Variants in RHOBTB1 observed in about 807,000 individuals in gnomAD.
The protein encoded by RHOBTB1 is Rho related BTB domain containing 1, also known as rho-related BTB domain-containing protein 1.
In RHOBTB1, 40 loss-of-function variants were observed where a neutral mutation model predicts 71.6. That is an observed-to-expected ratio of 0.56 (90% CI 0.43 to 0.73). The LOEUF (loss-of-function observed/expected upper bound fraction) is 0.73. Ranked by LOEUF, RHOBTB1 falls within the 30% of genes least tolerant of loss-of-function variation. The pLI, the probability that RHOBTB1 is intolerant of heterozygous loss-of-function variation, is 0.00. For synonymous variants in RHOBTB1, 319 were observed against 334.9 expected, an observed-to-expected ratio of 0.95 and a Z score of 0.52; for missense variants, 797 against 894.0, an observed-to-expected ratio of 0.89 and a Z score of 1.38.
intron 2 of RHOBTB1, 104 bp from the exon 3 acceptor site, chr10:60,911,656 T>C: frequency 1.2e-6 from 1 of 865,506 alleles, no homozygotes; most frequent in Non-Finnish European, 1.9e-6. Flanking sequence ...GCCACTTCCT[T>C]GGAGGTGCAC....
At chr10:60,980,089 T>A (rs1020338521) in intron 2 of RHOBTB1, among the ~76,000 whole-genome samples, 2 of 152,160 alleles carry the variant, frequency 1.3e-5, no homozygotes, top group African/African-American at 4.8e-5. Context: ...TTATATGATT[T>A]ATACTTTATT....
In RHOBTB1 at chr10:60,908,738, G is replaced by A. The variant is rs188755978; in HGVS notation, c.296+2149C>T. Among the ~76,000 whole-genome samples the A allele has an allele frequency of 8.0e-4, 122 of 152,326 alleles. 1 individual carries two copies. Among genetic ancestry groups the A allele is most frequent in the Non-Finnish European group, 4.3e-4 (29 of 68,032 alleles). ...TTAGCATTTACAGAAAGATGCTGGA[G>A]TGCAAGAGAGAGGAGCTCTGGTTTT... On this transcript the variant is annotated intron_variant, in intron 4 of 10. Coordinates refer to ENST00000337910, the MANE Select transcript of RHOBTB1 (RefSeq NM_014836.5).
chr10:60,970,718 C>CT (rs1042036853), intron 2 of RHOBTB1, among the ~76,000 whole-genome samples: 4 of 151,268 alleles, frequency 2.6e-5, no homozygotes, highest in Admixed American at 1.3e-4. Context: ...GCTTACATAG[C>CT]TTTTTTTTTC....
At chr10:60,955,075 T>C (rs113377782) in intron 2 of RHOBTB1, among the ~76,000 whole-genome samples, 4,028 of 144,410 alleles carry the variant, frequency 0.028, 141 homozygotes, top group African/African-American at 0.082. Flanking sequence ...GATGTAGTCT[T>C]GTTCTGTTGC....
chr10:60,949,688 T>A (rs966336741), intron 2 of RHOBTB1, among the ~76,000 whole-genome samples: 29 of 105,470 alleles, frequency 2.7e-4, no homozygotes, highest in Admixed American at 1.6e-3. Flanking sequence ...TTTTTTTTTT[T>A]TAAAGCATAA....
At position 60,874,894 on chromosome 10, in the gene RHOBTB1, A is replaced by G. The variant is rs572329570; in HGVS notation, c.1815+60T>C. On this transcript the variant is annotated intron_variant, in intron 9 of 10. Coordinates refer to ENST00000337910, the MANE Select transcript of RHOBTB1 (RefSeq NM_014836.5). ...GACAGATGCAACAATGGAATGTTTT[A>G]TCAGCATTAAATGAACTGATTGAAC... 4.2e-4 allele frequency: 483 copies of G among 1,142,018 alleles called. 2 individuals carry two copies. The highest frequency in any genetic ancestry group is 2.7e-3 in the Middle Eastern group (14 of 5,178). The allele number at this position is 1,142,018 out of a possible 1,614,324, so 70.7% of individuals were successfully genotyped here.
At chr10:60,953,147 A>C (rs2085472105) in intron 2 of RHOBTB1, among the ~76,000 whole-genome samples, 2 of 152,180 alleles carry the variant, frequency 1.3e-5, no homozygotes, top group Non-Finnish European at 2.9e-5. Flanking sequence ...GTTATTATAA[A>C]ATTTCATTTA....
chr10:60,878,453 T>G (rs1245811909), intron 7 of RHOBTB1, among the ~76,000 whole-genome samples: 1 of 152,176 alleles, frequency 6.6e-6, no homozygotes, highest in Non-Finnish European at 1.5e-5. Context: ...GTTGCTGACA[T>G]GATGGAGCCT....
chr10:60,912,082 G>T (rs752426556), intron 2 of RHOBTB1, among the ~76,000 whole-genome samples: 1 of 152,166 alleles, frequency 6.6e-6, no homozygotes, highest in Non-Finnish European at 1.5e-5. Flanking sequence ...AATCAAAAGT[G>T]CAGGCTGAAA....
intron 2 of RHOBTB1, among the ~76,000 whole-genome samples, chr10:60,954,733 C>A (rs935307292): frequency 3.3e-5 from 5 of 151,656 alleles, no homozygotes; most frequent in African/African-American, 9.7e-5. Context: ...TTGAAATTAC[C>A]CAAAAAGTGA....
chr10:60,876,428 A>G (rs1184659121), intron 8 of RHOBTB1, among the ~76,000 whole-genome samples: 1 of 152,226 alleles, frequency 6.6e-6, no homozygotes, highest in Non-Finnish European at 1.5e-5. Context: ...GGAGAAATCA[A>G]TCCCATGTTT....
At chr10:60,996,976 T>C (rs1008948801) in intron 1 of RHOBTB1, among the ~76,000 whole-genome samples, 4 of 152,072 alleles carry the variant, frequency 2.6e-5, no homozygotes, top group Non-Finnish European at 5.9e-5. Context: ...TTACTACTTA[T>C]CAATTTATTT....
chr10:60,892,814 C>A lies in RHOBTB1; in HGVS notation c.478G>T (p.Ala160Ser). 1 of 1,611,660 alleles carries A rather than the reference C, an allele frequency of 6.2e-7. No individual in the cohort carries two copies. Among genetic ancestry groups the A allele is most frequent in the Non-Finnish European group, 8.5e-7 (1 of 1,178,958 alleles). The stretch of plus-strand genomic sequence containing the variant: ...ACACTGAGTCCCTTGGCTTACCTTG[C>A]TAACGGGCGCCTGGCTCGATTAACA... ...EAVNRARRPLARPIKRGDILP... is the reference protein window; with the variant it reads ...EAVNRARRPLSRPIKRGDILP... Residue 160 changes from alanine to serine, a missense_variant, in exon 5 of 11, where the codon GCA (alanine) becomes TCA (serine). By Grantham distance (99) the Ala-to-Ser change is moderately conservative. Transcript: ENST00000337910.
At chr10:60,971,473 G>A (rs1453278793) in intron 2 of RHOBTB1, among the ~76,000 whole-genome samples, 1 of 152,082 alleles carries the variant, frequency 6.6e-6, no homozygotes, top group Non-Finnish European at 1.5e-5. Context: ...AAATGCTGTT[G>A]GGAAAACTGG....
In RHOBTB1 at chr10:60,888,276, C is replaced by A; in HGVS notation, c.1392G>T (p.Thr464=). ...NKEAFMNQEI[T]KAFHVRKANR... ...TGGCTTTCCTTACGTGAAAGGCTTT[C>A]GTAATCTCCTGGTTCATGAAGGCTT... Residue 464 remains threonine (T), a synonymous_variant, in exon 6 of 11, where the codon ACG becomes ACT. Transcript: ENST00000337910. The A allele has an allele frequency of 6.2e-7, 1 of 1,614,022 alleles. No individual in the cohort carries two copies. Among genetic ancestry groups the A allele is most frequent in the Non-Finnish European group, 8.5e-7 (1 of 1,179,974 alleles).
At chr10:60,993,325 GC>G (rs1215654190) in intron 1 of RHOBTB1, among the ~76,000 whole-genome samples, 2 of 152,064 alleles carry the variant, frequency 1.3e-5, no homozygotes, top group Non-Finnish European at 2.9e-5. Flanking sequence ...GTTATTTCAG[GC>G]TCAGCTACAA....
chr10:60,879,670 C>T (rs2081220863), intron 7 of RHOBTB1, among the ~76,000 whole-genome samples: 1 of 152,034 alleles, frequency 6.6e-6, no homozygotes, highest in Admixed American at 6.6e-5. Flanking sequence ...AATTCTGGTA[C>T]TTAATAAACA....
intron 2 of RHOBTB1, among the ~76,000 whole-genome samples, chr10:60,978,352 A>G (rs979130790): frequency 1.3e-5 from 2 of 152,248 alleles, no homozygotes; most frequent in Admixed American, 1.3e-4. Flanking sequence ...TCTTCTCCCA[A>G]AGGGCTTTAT....
intron 2 of RHOBTB1, among the ~76,000 whole-genome samples, chr10:60,963,753 T>C (rs1026931654): frequency 1.5e-4 from 23 of 152,212 alleles, no homozygotes; most frequent in Non-Finnish European, 2.8e-4. Context: ...TCCTTCCTTA[T>C]ACCTGTATCA....
Sources: gnomAD v4.1 joint callset for allele counts (sites outside exome capture counted in the v4.1 genomes callset) on GRCh38, gnomAD v4.1.1 for gene constraint, MANE v1.5 for transcripts, NCBI Gene and HGNC (gene_info 2026-07-23, HGNC 2026-07-21) for gene names.